The following UNC93A variants were observed in gnomAD, a reference collection of about 807,000 sequenced individuals.
UNC93A encodes unc-93 homolog A, also known as N-acetylglucosamine transporter UNC93A.
In UNC93A, 43 loss-of-function variants were observed where a neutral mutation model predicts 47.5. The observed-to-expected ratio is 0.91, with a 90% CI of 0.71 to 1.17. The LOEUF (loss-of-function observed/expected upper bound fraction) is 1.17, where lower values mean the gene tolerates loss of function less well. UNC93A is among the 50% of genes most tolerant of loss of function. UNC93A has a pLI of 0.00. For missense variants in UNC93A, 605 were observed against 577.6 expected (o/e 1.05, Z -0.49); for synonymous variants, 280 against 258.0 (o/e 1.09, Z -0.82).
chr6:167,307,815 T>A lies in UNC93A; in HGVS notation c.1013T>A (p.Leu338Gln). The A allele has an allele frequency of 6.2e-7, 1 of 1,614,092 alleles. No individual in the cohort carries two copies. Among genetic ancestry groups the A allele is most frequent in the Admixed American group, 1.7e-5 (1 of 60,026 alleles). ...VTHVSCMIAL[L>Q]LWRPRADHLA... ...CACGTGTCCTGCATGATTGCCCTAC[T>A]GCTGTGGAGACCTCGTGCTGACCAT... The change falls in exon 7 of 8, where the codon CTG becomes CAG. Residue 338 changes from leucine to glutamine, a missense_variant. Coordinates refer to ENST00000230256, the MANE Select transcript of UNC93A (RefSeq NM_018974.4).
intron 1 of UNC93A, among the ~76,000 whole-genome samples, chr6:167,281,293 G>A (rs1359229872): frequency 6.6e-6 from 1 of 152,048 alleles, no homozygotes; most frequent in Non-Finnish European, 1.5e-5. Flanking sequence ...TGCCCACCAA[G>A]GGGAGACTCA....
At chr6:167,269,778 TG>T (rs755163554), upstream of UNC93A, among the ~76,000 whole-genome samples, 6 of 150,532 alleles carry the variant, frequency 4.0e-5, no homozygotes, top group Middle Eastern at 3.5e-3. Flanking sequence ...GGCTTTTTTT[TG>T]TGTGTGTGTG....
upstream of UNC93A, among the ~76,000 whole-genome samples, chr6:167,288,733 A>G (rs773430432): frequency 4.6e-5 from 7 of 152,170 alleles, no homozygotes; most frequent in Non-Finnish European, 8.8e-5. Context: ...CCTTAAATTA[A>G]TCTTTAGATT....
At chr6:167,272,572 G>A (rs1170807120) in intron 1 of UNC93A, among the ~76,000 whole-genome samples, 5 of 152,214 alleles carry the variant, frequency 3.3e-5, no homozygotes, top group Admixed American at 3.3e-4. Flanking sequence ...ATCTTAGGGA[G>A]ACATGAGACT....
At chr6:167,276,921 C>T (rs887793119) in intron 1 of UNC93A, among the ~76,000 whole-genome samples, 37 of 152,218 alleles carry the variant, frequency 2.4e-4, no homozygotes, top group African/African-American at 8.0e-4. Context: ...GTACCTGCAG[C>T]CCACGCTGGC....
chr6:167,291,530 G>C lies in UNC93A; in HGVS notation c.41G>C (p.Gly14Ala). 6.2e-7 allele frequency: 1 copy of C among 1,613,858 alleles called. No individual in the cohort carries two copies. Among genetic ancestry groups the C allele is most frequent in the Non-Finnish European group, 8.5e-7 (1 of 1,179,898 alleles). Reference sequence around the variant, plus strand: ...AGGAACGTCCTTGTGGTTTCCTTTGGGTTCCTGCTTCTCTTTACAGCCTAT... The same window carrying C: ...AGGAACGTCCTTGTGGTTTCCTTTGCGTTCCTGCTTCTCTTTACAGCCTAT... ...SLRNVLVVSF[G>A]FLLLFTAYGG... Residue 14 changes from glycine to alanine, a missense_variant, in exon 1 of 8, where the codon GGG (glycine) becomes GCG (alanine). Physicochemically the swap from Gly to Ala is moderately conservative, Grantham distance 60. Coordinates refer to ENST00000230256, the MANE Select transcript of UNC93A (RefSeq NM_018974.4).
In UNC93A at chr6:167,296,139, C is replaced by T. The variant is rs538293568; in HGVS notation, c.377C>T (p.Ala126Val). Residue 126 changes from alanine to valine, a missense_variant, in exon 3 of 8, where the codon GCG becomes GTG. Transcript: ENST00000230256. ...ACGGGAAACACACATGCAGAGAAGG[C>T]GGGAAAGCGTGGCAAAGACATGGTG... ...TITGNTHAEK[A>V]GKRGKDMVNQ... 9.3e-5 allele frequency: 150 copies of T among 1,614,180 alleles called. No homozygotes were observed. In the Admixed American group the frequency reaches 1.2e-3, roughly 13 times the overall value.
At chr6:167,281,080 C>T (rs1019052848) in intron 1 of UNC93A, among the ~76,000 whole-genome samples, 12 of 151,988 alleles carry the variant, frequency 7.9e-5, no homozygotes, top group South Asian at 2.1e-4. Context: ...GAGCCTCAGG[C>T]GGTAATCCCA....
At chr6:167,311,982 A>G (rs1778569878) in intron 7 of UNC93A, among the ~76,000 whole-genome samples, 1 of 146,338 alleles carries the variant, frequency 6.8e-6, no homozygotes, top group Non-Finnish European at 1.5e-5. Flanking sequence ...GCTTCCCACG[A>G]GGGTTCTTTT....
At chr6:167,277,613 GTC>G (rs1166500259) in intron 1 of UNC93A, among the ~76,000 whole-genome samples, 1 of 151,770 alleles carries the variant, frequency 6.6e-6, no homozygotes, top group Non-Finnish European at 1.5e-5. Context: ...GGCTATCTCT[GTC>G]TCTCTCTCTC....
upstream of UNC93A, among the ~76,000 whole-genome samples, chr6:167,288,897 C>A (rs1783791427): frequency 6.6e-6 from 1 of 152,260 alleles, no homozygotes; most frequent in Admixed American, 6.5e-5. Context: ...TTGTATCACC[C>A]AGGGCATCTG....
upstream of UNC93A, among the ~76,000 whole-genome samples, chr6:167,269,072 G>A (rs1783411703): frequency 6.6e-6 from 1 of 152,222 alleles, no homozygotes; most frequent in East Asian, 1.9e-4. Flanking sequence ...AGCTGGAGGG[G>A]CCCCAATGTG....
At chr6:167,299,639 C>T (rs770348546) in intron 4 of UNC93A, among the ~76,000 whole-genome samples, 1 of 152,206 alleles carries the variant, frequency 6.6e-6, no homozygotes, top group Non-Finnish European at 1.5e-5. Context: ...GCACAGTTCC[C>T]AGCTGACTTG....
intron 7 of UNC93A, 35 bp from the exon 8 acceptor site, chr6:167,315,152 A>G (rs56251147): frequency 0.049 from 76,336 of 1,562,586 alleles, 1,948 homozygotes; most frequent in African/African-American, 0.13. Context: ...TGTGGGGCCC[A>G]TGGCAGAGCT....
intron 4 of UNC93A, among the ~76,000 whole-genome samples, chr6:167,299,664 T>A (rs1014490945): frequency 6.6e-6 from 1 of 152,170 alleles, no homozygotes; most frequent in Non-Finnish European, 1.5e-5. Context: ...TGCATCTCCC[T>A]GGAGCACGGA....
chr6:167,270,526 A>C (rs973648871), upstream of UNC93A, among the ~76,000 whole-genome samples: 30 of 152,214 alleles, frequency 2.0e-4, no homozygotes, highest in Admixed American at 7.8e-4. Flanking sequence ...GGACATGGAC[A>C]GACCTTCGGA....
intron 1 of UNC93A, among the ~76,000 whole-genome samples, chr6:167,293,360 A>C (rs1435680765): frequency 2.0e-5 from 3 of 152,078 alleles, no homozygotes; most frequent in Non-Finnish European, 4.4e-5. Flanking sequence ...AGGACTGTGG[A>C]AGGGTCCCCT....
intron 5 of UNC93A, among the ~76,000 whole-genome samples, chr6:167,304,631 C>G (rs180925174): frequency 6.6e-6 from 1 of 151,834 alleles, no homozygotes; most frequent in Non-Finnish European, 1.5e-5. Context: ...AGTGCAATGG[C>G]GCCATCTCAG....
At chr6:167,307,431 A>G (rs943947399) in intron 6 of UNC93A, among the ~76,000 whole-genome samples, 23 of 87,508 alleles carry the variant, frequency 2.6e-4, no homozygotes, top group African/African-American at 1.3e-3. Context: ...GAGACGGTTG[A>G]GATGGTTGAG....
Sources: gnomAD v4.1 joint callset for allele counts (sites outside exome capture counted in the v4.1 genomes callset) on GRCh38, gnomAD v4.1.1 for gene constraint, MANE v1.5 for transcripts, NCBI Gene and HGNC (gene_info 2026-07-23, HGNC 2026-07-21) for gene names.